Variants in LINGO2 observed in about 807,000 individuals in gnomAD.
The protein encoded by LINGO2 is leucine-rich repeat and immunoglobulin-like domain-containing nogo receptor-interacting protein 2.
Under a neutral mutation model 30.6 loss-of-function variants are expected in LINGO2, and 14 were observed. The observed-to-expected ratio is 0.46, with a 90% confidence interval of 0.30 to 0.72. LINGO2 has a LOEUF of 0.72. Among genes scored for constraint, LINGO2 ranks in the 30% least tolerant of loss-of-function variants. The pLI, the probability that LINGO2 is intolerant of heterozygous loss-of-function variation, is 0.07. For synonymous variants in LINGO2, 317 were observed against 288.5 expected (o/e 1.10, Z -1.00); for missense variants, 729 against 751.7 (o/e 0.97, Z 0.35).
the LINGO2 span, among the ~76,000 whole-genome samples, chr9:29,181,585 T>A: frequency 6.6e-6 from 1 of 152,198 alleles, no homozygotes; most frequent in Admixed American, 6.5e-5. Flanking sequence ...ATTCTTTGAG[T>A]TTAGTGAGAA....
chr9:28,376,401 G>A (rs1821133841), intron 2 of LINGO2, among the ~76,000 whole-genome samples: 1 of 152,198 alleles, frequency 6.6e-6, no homozygotes, highest in Non-Finnish European at 1.5e-5. Flanking sequence ...TTCTGGAGGA[G>A]CTGTTCTCAG....
chr9:28,754,780 A>T, the LINGO2 span, among the ~76,000 whole-genome samples: 1 of 151,614 alleles, frequency 6.6e-6, no homozygotes, highest in Non-Finnish European at 1.5e-5. Context: ...ACAGGCGCTC[A>T]CCACCACACC....
chr9:28,548,442 A>C (rs570309207), intron 1 of LINGO2, among the ~76,000 whole-genome samples: 15 of 152,206 alleles, frequency 9.9e-5, no homozygotes, highest in Admixed American at 9.8e-4. Flanking sequence ...GTGGTGGCTC[A>C]TGCCTGTAAT....
At chr9:29,078,877 T>C in the LINGO2 span, among the ~76,000 whole-genome samples, 157 of 151,934 alleles carry the variant, frequency 1.0e-3, no homozygotes, top group Non-Finnish European at 1.8e-3. Context: ...ATTCCTAGGA[T>C]CAAGGCTGAA....
At chr9:29,186,902 C>G in the LINGO2 span, among the ~76,000 whole-genome samples, 435 of 152,158 alleles carry the variant, frequency 2.9e-3, 2 homozygotes, top group African/African-American at 9.1e-3. Flanking sequence ...ATAAAAATGG[C>G]AAATTGTTGT....
the LINGO2 span, among the ~76,000 whole-genome samples, chr9:29,185,150 C>T: frequency 6.6e-6 from 1 of 152,076 alleles, no homozygotes; most frequent in African/African-American, 2.4e-5. Flanking sequence ...CTCTATTCCA[C>T]AGAGTGTCTC....
At chr9:28,461,583 A>G (rs1244363087) in intron 2 of LINGO2, among the ~76,000 whole-genome samples, 1 of 152,196 alleles carries the variant, frequency 6.6e-6, no homozygotes, top group Non-Finnish European at 1.5e-5. Context: ...AATATTGAGA[A>G]TTGATGTCCT....
At chr9:27,994,706 C>T (rs974915683) in intron 5 of LINGO2, among the ~76,000 whole-genome samples, 4 of 152,106 alleles carry the variant, frequency 2.6e-5, no homozygotes, top group South Asian at 2.1e-4. Flanking sequence ...CATTGGCCCA[C>T]GCATGTGCAC....
chr9:28,649,401 G>C (rs1827985800), intron 1 of LINGO2, among the ~76,000 whole-genome samples: 1 of 152,036 alleles, frequency 6.6e-6, no homozygotes, highest in African/African-American at 2.4e-5. Flanking sequence ...CTAATTTATA[G>C]AGGGAAAAAC....
intron 3 of LINGO2, among the ~76,000 whole-genome samples, chr9:28,300,230 T>C (rs1459704770): frequency 6.6e-6 from 1 of 152,116 alleles, no homozygotes; most frequent in South Asian, 2.1e-4. Flanking sequence ...AGTGTTTTGC[T>C]GATGAACATT....
chr9:28,402,112 A>T (rs1386559345), intron 2 of LINGO2, among the ~76,000 whole-genome samples: 1 of 152,168 alleles, frequency 6.6e-6, no homozygotes, highest in African/African-American at 2.4e-5. Context: ...GCAATTCTAA[A>T]ACCCCACCCA....
At chr9:28,482,048 A>C (rs1488508750) in intron 1 of LINGO2, among the ~76,000 whole-genome samples, 1 of 152,022 alleles carries the variant, frequency 6.6e-6, no homozygotes, top group Non-Finnish European at 1.5e-5. Context: ...GTTGGTTCCA[A>C]GTCTTTGCTA....
intron 4 of LINGO2, among the ~76,000 whole-genome samples, chr9:28,038,402 C>A (rs1274259008): frequency 6.6e-6 from 1 of 152,092 alleles, no homozygotes; most frequent in Non-Finnish European, 1.5e-5. Context: ...TTTAAAAAAG[C>A]CTTGCTTATG....
the LINGO2 span, among the ~76,000 whole-genome samples, chr9:28,855,900 A>G: frequency 3.9e-5 from 6 of 152,056 alleles, no homozygotes; most frequent in African/African-American, 7.2e-5. Flanking sequence ...GCCTAGGGCA[A>G]TATTCAGGCT....
chr9:28,640,379 T>C (rs553616624), intron 1 of LINGO2, among the ~76,000 whole-genome samples: 1 of 152,282 alleles, frequency 6.6e-6, no homozygotes, highest in Non-Finnish European at 1.5e-5. Flanking sequence ...CCTTGCTAGA[T>C]TGGGGAATTT....
At chr9:28,937,312 T>G in the LINGO2 span, among the ~76,000 whole-genome samples, 1 of 152,292 alleles carries the variant, frequency 6.6e-6, no homozygotes, top group East Asian at 1.9e-4. Context: ...TGAAATTTGT[T>G]TGTGAATAAT....
chr9:28,655,108 T>C (rs1167577288), intron 1 of LINGO2, among the ~76,000 whole-genome samples: 1 of 152,078 alleles, frequency 6.6e-6, no homozygotes, highest in Non-Finnish European at 1.5e-5. Flanking sequence ...GAAGGTGATT[T>C]CCCCCATGCT....
the LINGO2 span, among the ~76,000 whole-genome samples, chr9:28,725,796 A>T: frequency 1.4e-5 from 2 of 141,976 alleles, no homozygotes; most frequent in Non-Finnish European, 3.1e-5. Flanking sequence ...AAACTTAAAA[A>T]TTAACATTGA....
intron 3 of LINGO2, among the ~76,000 whole-genome samples, chr9:28,371,646 C>T (rs547373005): frequency 1.3e-5 from 2 of 152,264 alleles, no homozygotes; most frequent in South Asian, 2.1e-4. Flanking sequence ...TGCAGGGCTA[C>T]GCTGTACCTT....
Sources: gnomAD v4.1 joint callset for allele counts (sites outside exome capture counted in the v4.1 genomes callset) on GRCh38, gnomAD v4.1.1 for gene constraint, MANE v1.5 for transcripts, NCBI Gene and HGNC (gene_info 2026-07-23, HGNC 2026-07-21) for gene names.